TTC13: variants seen among roughly 807,000 people sequenced by gnomAD.
TTC13 encodes tetratricopeptide repeat protein 13.
Under a neutral mutation model 120.0 loss-of-function variants are expected in TTC13, and 62 were observed. The ratio of observed to expected loss-of-function variants is 0.52; its 90% CI spans 0.42 to 0.64. The LOEUF is 0.64. Ranked by LOEUF, TTC13 falls within the 30% of genes least tolerant of loss-of-function variation. The pLI is 0.00. For missense variants in TTC13, 824 were observed against 1,050.2 expected (o/e 0.78, Z 2.98); for synonymous variants, 384 against 393.5 (o/e 0.98, Z 0.28).
At position 230,911,570 on chromosome 1, in the gene TTC13, C is replaced by T. The variant is rs57398442; in HGVS notation, c.2230-21G>A. 2.8e-3 allele frequency: 4,096 copies of T among 1,458,142 alleles called. 98 individuals are homozygous for T. In the African/African-American group the frequency reaches 0.052, roughly 18 times the overall value. 90.3% of individuals were successfully genotyped at this position (1,458,142 alleles called of 1,614,324 possible). A position where few individuals can be genotyped will look rare whatever the true frequency, so the allele number is the denominator to read the frequency against. On this transcript the variant is annotated intron_variant, in intron 19 of 22. Transcript: ENST00000366661. Reference sequence around the variant, plus strand: ...GCCTCCTAGAAAAAAAAGATACAGACTCATAAATACTATAAAGATTACAAA... The same window carrying T: ...GCCTCCTAGAAAAAAAAGATACAGATTCATAAATACTATAAAGATTACAAA...
intron 9 of TTC13, among the ~76,000 whole-genome samples, chr1:230,933,522 C>G (rs1010648111): frequency 2.6e-5 from 4 of 152,164 alleles, no homozygotes. Flanking sequence ...CAAAACAACC[C>G]TTGAAGGATG....
At chr1:230,945,591 C>G in intron 4 of TTC13, 137 bp from the exon 5 acceptor site, 1 of 757,914 alleles carries the variant, frequency 1.3e-6, no homozygotes, top group South Asian at 1.4e-5. Context: ...AGTCAATACG[C>G]AGTCTCCAAC....
At chr1:230,957,428 C>A (rs1220937860) in intron 3 of TTC13, among the ~76,000 whole-genome samples, 4 of 152,200 alleles carry the variant, frequency 2.6e-5, no homozygotes, top group Non-Finnish European at 4.4e-5. Context: ...CAGAGCAAGA[C>A]CCTGCACTAA....
chr1:230,968,774 G>A (rs946611041), intron 1 of TTC13, among the ~76,000 whole-genome samples: 3 of 152,176 alleles, frequency 2.0e-5, no homozygotes, highest in African/African-American at 7.2e-5. Context: ...TGCCATCAAC[G>A]GAAACAAGGA....
chr1:230,977,869 A>C (rs533359771), intron 1 of TTC13, among the ~76,000 whole-genome samples: 168 of 152,360 alleles, frequency 1.1e-3, no homozygotes, highest in Non-Finnish European at 1.7e-3. Flanking sequence ...TTCTTAATGA[A>C]TGAGCTGGCG....
chr1:230,916,199 C>T lies in TTC13; in HGVS notation c.2087G>A (p.Gly696Glu). ...EYDGFTITIT[G>E]DKVGNILFSV... is the part of the protein sequence containing the mutation. The stretch of plus-strand genomic sequence containing the variant: ...CATTAAGAAGCGCACATACTTGTCT[C>T]CTGTAATCGTGATTGTGAATCCATC... The change falls in exon 18 of 23, where the codon GGA becomes GAA. Residue 696 changes from glycine (G) to glutamate (E), a missense_variant. By Grantham distance (98) the Gly-to-Glu change is moderately conservative. Around this residue, in one of 4 missense-constraint regions of TTC13, gnomAD observed 226 missense variants for 259.1 expected, o/e 0.87. Coordinates refer to ENST00000366661, the MANE Select transcript of TTC13 (RefSeq NM_024525.5). 1.2e-6 allele frequency: 2 copies of T among 1,612,018 alleles called. No homozygotes were observed. The highest frequency in any genetic ancestry group is 1.3e-5 in the African/African-American group (1 of 75,006).
At chr1:230,927,662 G>T (rs1195405901) in intron 12 of TTC13, among the ~76,000 whole-genome samples, 2 of 152,022 alleles carry the variant, frequency 1.3e-5, no homozygotes, top group East Asian at 3.9e-4. Flanking sequence ...TTTCCTTATG[G>T]TGTCATTTGT....
rs1553286276 is a variant in TTC13, at chr1:230,931,897, T to TA, written c.984-21dup. 6.2e-7 allele frequency: 1 copy of TA among 1,611,124 alleles called. No individual in the cohort carries two copies. The highest frequency in any genetic ancestry group is 8.5e-7 in the Non-Finnish European group (1 of 1,177,664). On this transcript the variant is annotated intron_variant, in intron 9 of 22. Transcript: ENST00000366661. Reference sequence around the variant, plus strand: ...AGTTCTCTAGGTATTTAATAATAGTTATGAATACAGTATAGATATTACGGG... The same window carrying TA: ...AGTTCTCTAGGTATTTAATAATAGTTAATGAATACAGTATAGATATTACGGG...
chr1:230,943,754 T>G, intron 6 of TTC13, 52 bp downstream of exon 6: 1 of 1,433,778 alleles, frequency 7.0e-7, no homozygotes, highest in Non-Finnish European at 9.5e-7. Flanking sequence ...GGAAAAAAAT[T>G]GAGATTCAAC....
At chr1:230,910,938 G>C (rs1671439494) in intron 20 of TTC13, among the ~76,000 whole-genome samples, 1 of 151,266 alleles carries the variant, frequency 6.6e-6, no homozygotes, top group Non-Finnish European at 1.5e-5. Context: ...ACTGCACACA[G>C]TGCTGGGAAA....
chr1:230,961,540 G>A (rs1676639546), intron 1 of TTC13, among the ~76,000 whole-genome samples: 1 of 151,692 alleles, frequency 6.6e-6, no homozygotes, highest in African/African-American at 2.4e-5. Context: ...AACCAGGCTG[G>A]GTCTCAAACA....
At position 230,920,547 on chromosome 1, in the gene TTC13, T is replaced by C. The variant is rs751012476; in HGVS notation, c.1946A>G (p.Lys649Arg). ...AAGAAGGTCTTCTACTTTGTGTACC[T>C]TTTCCAGGGCTTCCCGAACTTCCAG... ...GLLEVREALEKVHKVEDLLPI... is the reference protein window; with the variant it reads ...GLLEVREALERVHKVEDLLPI... The change falls in exon 17 of 23, where the codon AAG becomes AGG. Residue 649 changes from lysine to arginine, a missense_variant. This residue lies in a region of TTC13 where 226 missense variants were observed against 259.1 expected (regional missense o/e 0.87). Transcript: ENST00000366661. The C allele has an allele frequency of 6.2e-7, 1 of 1,603,022 alleles. No individual in the cohort carries two copies. Among genetic ancestry groups the C allele is most frequent in the Non-Finnish European group, 8.5e-7 (1 of 1,175,442 alleles).
intron 13 of TTC13, 55 bp downstream of exon 13, chr1:230,925,462 C>T: frequency 6.3e-7 from 1 of 1,595,990 alleles, no homozygotes; most frequent in South Asian, 1.1e-5. Flanking sequence ...CATGGCTTAA[C>T]CACCCTTCCT....
intron 20 of TTC13, among the ~76,000 whole-genome samples, chr1:230,910,199 G>A (rs1181957978): frequency 6.6e-6 from 1 of 152,186 alleles, no homozygotes; most frequent in Non-Finnish European, 1.5e-5. Flanking sequence ...GAAGACTTCA[G>A]AGGCTAAAGA....
chr1:230,914,802 T>C (rs1328985412), intron 18 of TTC13, among the ~76,000 whole-genome samples: 4 of 152,210 alleles, frequency 2.6e-5, no homozygotes, highest in Non-Finnish European at 4.4e-5. Flanking sequence ...ATGTTTTTGG[T>C]AAGGCTTCTG....
At position 230,916,221 on chromosome 1, in the gene TTC13, C is replaced by T; in HGVS notation, c.2065G>A (p.Gly689Arg). Reference protein sequence around the residue: ...SLKDQGKEYDGFTITITGDKV... With the variant: ...SLKDQGKEYDRFTITITGDKV... ...TCTCCTGTAATCGTGATTGTGAATC[C>T]ATCATATTCCTTCCCTTGGTCTTTA... The change falls in exon 18 of 23, where the codon GGA becomes AGA. Residue 689 changes from glycine to arginine, a missense_variant. Transcript: ENST00000366661. The T allele has an allele frequency of 1.9e-6, 3 of 1,613,952 alleles. No homozygotes were observed. Among genetic ancestry groups the T allele is most frequent in the Non-Finnish European group, 1.7e-6 (2 of 1,179,854 alleles).
intron 1 of TTC13, among the ~76,000 whole-genome samples, chr1:230,974,306 A>G (rs1432943970): frequency 2.6e-5 from 4 of 151,912 alleles, no homozygotes; most frequent in African/African-American, 2.4e-5. Context: ...ATCCTCTCAC[A>G]CTGCTTTATT....
At chr1:230,910,185 C>T (rs1671362987) in intron 20 of TTC13, among the ~76,000 whole-genome samples, 1 of 152,124 alleles carries the variant, frequency 6.6e-6, no homozygotes, top group African/African-American at 2.4e-5. Context: ...GGTTCTCCAG[C>T]AGGGAAGACT....
chr1:230,957,333 A>G (rs1367463244), intron 3 of TTC13, among the ~76,000 whole-genome samples: 1 of 152,150 alleles, frequency 6.6e-6, no homozygotes, highest in Non-Finnish European at 1.5e-5. Context: ...CTACCTACTC[A>G]GGAGTCCTAG....
Sources: gnomAD v4.1 joint callset for allele counts (sites outside exome capture counted in the v4.1 genomes callset) on GRCh38, gnomAD v4.1.1 for gene constraint, gnomAD v4.1.1 regional missense constraint, MANE v1.5 for transcripts, NCBI Gene and HGNC (gene_info 2026-07-23, HGNC 2026-07-21) for gene names.